Variants in LOC122539214 observed in about 807,000 individuals in gnomAD.
At chr19:52,668,719 C>A in the LOC122539214 span, among the ~76,000 whole-genome samples, 8 of 152,164 alleles carry the variant, frequency 5.3e-5, no homozygotes, top group African/African-American at 1.9e-4. Context: ...ATCAAATATT[C>A]CCTCTGCATG....
chr19:52,684,872 C>T, the LOC122539214 span, among the ~76,000 whole-genome samples: 1 of 152,134 alleles, frequency 6.6e-6, no homozygotes, highest in African/African-American at 2.4e-5. Flanking sequence ...CTGGCAGGGG[C>T]CCTGGACACA....
chr19:52,655,381 C>T, the LOC122539214 span: 1 of 591,866 alleles, frequency 1.7e-6, no homozygotes. Context: ...TGTAAAACCA[C>T]TCCATAGGAT....
the LOC122539214 span, among the ~76,000 whole-genome samples, chr19:52,678,449 C>CAAAAAAAAA: frequency 9.1e-6 from 1 of 109,682 alleles, no homozygotes; most frequent in Non-Finnish European, 1.8e-5. Flanking sequence ...GACTTCATCT[C>CAAAAAAAAA]AAAAAAAAAA....
chr19:52,662,629 G>T, the LOC122539214 span, among the ~76,000 whole-genome samples: 2 of 152,184 alleles, frequency 1.3e-5, no homozygotes, highest in South Asian at 4.2e-4. Flanking sequence ...TTACCATCTC[G>T]TATAGAAAAA....
chr19:52,669,408 A>G, the LOC122539214 span, among the ~76,000 whole-genome samples: 6 of 152,364 alleles, frequency 3.9e-5, no homozygotes, highest in East Asian at 5.8e-4. Context: ...AATCTATGAC[A>G]ACCAACAGCT....
At chr19:52,655,119 G>A in the LOC122539214 span, 12 of 155,352 alleles carry the variant, frequency 7.7e-5, no homozygotes, top group South Asian at 2.0e-4. Flanking sequence ...TGCAGGAGGC[G>A]GAGGTTGCAA....
the LOC122539214 span, among the ~76,000 whole-genome samples, chr19:52,686,531 C>T: frequency 1.3e-5 from 2 of 149,660 alleles, no homozygotes; most frequent in Admixed American, 6.7e-5. Flanking sequence ...TATTACACAA[C>T]AAGAACAAAA....
At chr19:52,676,014 C>T in the LOC122539214 span, among the ~76,000 whole-genome samples, 1 of 152,098 alleles carries the variant, frequency 6.6e-6, no homozygotes, top group Non-Finnish European at 1.5e-5. Context: ...CATGGTGAAA[C>T]CCTGTCTCTA....
At chr19:52,681,027 G>A in the LOC122539214 span, among the ~76,000 whole-genome samples, 1 of 151,784 alleles carries the variant, frequency 6.6e-6, no homozygotes, top group Non-Finnish European at 1.5e-5. Flanking sequence ...GCTCATGCCT[G>A]TAATCAAAAC....
chr19:52,651,738 G>GA, the LOC122539214 span: 3 of 152,112 alleles, frequency 2.0e-5, no homozygotes, highest in Admixed American at 6.6e-5. Flanking sequence ...AAGAAGGAAA[G>GA]AAAAAACAGG....
chr19:52,664,805 G>T, the LOC122539214 span, among the ~76,000 whole-genome samples: 1 of 151,908 alleles, frequency 6.6e-6, no homozygotes, highest in African/African-American at 2.4e-5. Context: ...GCAGGGGAAT[G>T]AAGGGGTCAG....
chr19:52,677,094 C>A, the LOC122539214 span, among the ~76,000 whole-genome samples: 6 of 145,284 alleles, frequency 4.1e-5, no homozygotes, highest in Admixed American at 3.5e-4. Flanking sequence ...CCAAATCCCC[C>A]TCTGTGAGAA....
At chr19:52,681,303 C>CAAAAAAAAAAAAAAA in the LOC122539214 span, among the ~76,000 whole-genome samples, 98 of 78,222 alleles carry the variant, frequency 1.3e-3, no homozygotes, top group Non-Finnish European at 1.8e-3. Context: ...AAAAAAAAAG[C>CAAAAAAAAAAAAAAA]AAACGAACAT....
At chr19:52,676,322 G>A in the LOC122539214 span, among the ~76,000 whole-genome samples, 2 of 152,126 alleles carry the variant, frequency 1.3e-5, no homozygotes, top group African/African-American at 2.4e-5. Context: ...GCCTGATCTC[G>A]GCTCACTACA....
the LOC122539214 span, among the ~76,000 whole-genome samples, chr19:52,656,223 T>TCC: frequency 7.9e-5 from 10 of 127,360 alleles, no homozygotes; most frequent in Non-Finnish European, 1.8e-5. Flanking sequence ...TCTCTCTCTC[T>TCC]CTCTATATAT....
chr19:52,656,755 A>T, the LOC122539214 span, among the ~76,000 whole-genome samples: 1 of 151,696 alleles, frequency 6.6e-6, no homozygotes, highest in Admixed American at 6.6e-5. Flanking sequence ...AGCCCCAGCT[A>T]CTCAGGAGGC....
the LOC122539214 span, chr19:52,655,516 T>C: frequency 4.2e-6 from 6 of 1,429,768 alleles, no homozygotes; most frequent in East Asian, 2.3e-5. Context: ...AGAGCCAAGA[T>C]AGACAAGGGC....
chr19:52,669,126 A>C, the LOC122539214 span, among the ~76,000 whole-genome samples: 1 of 152,168 alleles, frequency 6.6e-6, no homozygotes, highest in Non-Finnish European at 1.5e-5. Context: ...CCTTTACTGG[A>C]CACTTTACTG....
chr19:52,689,981 G>A, the LOC122539214 span, among the ~76,000 whole-genome samples: 1 of 152,204 alleles, frequency 6.6e-6, no homozygotes, highest in Admixed American at 6.5e-5. Flanking sequence ...GAGGTGGGGG[G>A]CGACGGCGCC....
Sources: gnomAD v4.1 joint callset for allele counts (sites outside exome capture counted in the v4.1 genomes callset) on GRCh38, gnomAD v4.1.1 for gene constraint, MANE v1.5 for transcripts.